The following NCOR1 variants were observed in gnomAD, a reference collection of about 807,000 sequenced individuals.
The protein encoded by NCOR1 is nuclear receptor corepressor 1.
A neutral mutation model predicts 288.1 loss-of-function variants in NCOR1; 63 were observed. That is an observed-to-expected ratio of 0.22 (90% CI 0.18 to 0.27). The LOEUF (loss-of-function observed/expected upper bound fraction) is 0.27. Ranked by LOEUF, NCOR1 falls within the 10% of genes least tolerant of loss-of-function variation. The probability of loss-of-function intolerance (pLI) is 1.00; values close to 1 mark genes in which losing one functional copy is unlikely to be tolerated. For synonymous variants in NCOR1, 1,007 were observed against 1,065.9 expected, an observed-to-expected ratio of 0.94 and a Z score of 1.08; for missense variants, 2,397 against 3,019.2, an observed-to-expected ratio of 0.79 and a Z score of 4.83.
chr17:16,080,185 CCAT>C lies in NCOR1; in HGVS notation c.3401-124_3401-122del, dbSNP rs2063183728. The stretch of plus-strand genomic sequence containing the variant: ...AGAAAAGAAAAAAGCAGCACAAAAC[CCAT>C]CATGTTTGTTTTATTAAAATGTACT... On this transcript the variant is annotated intron_variant, in intron 25 of 45. Coordinates refer to ENST00000268712, the MANE Select transcript of NCOR1 (RefSeq NM_006311.4). 9.4e-6 allele frequency: 8 copies of C among 854,316 alleles called. No homozygotes were observed. The East Asian group carries it at 2.1e-4, about 23-fold the overall frequency. 52.9% of individuals were successfully genotyped at this position (854,316 alleles called of 1,614,324 possible).
At chr17:16,119,545 A>G in intron 16 of NCOR1, 60 bp from the exon 17 acceptor site, 1 of 1,134,676 alleles carries the variant, frequency 8.8e-7, no homozygotes, top group South Asian at 1.4e-5. Flanking sequence ...CTTTATTCAA[A>G]CCAATCATAT....
At chr17:16,064,358 G>C (rs894858882) in intron 34 of NCOR1, among the ~76,000 whole-genome samples, 171 bp from the exon 35 acceptor site, 1 of 152,070 alleles carries the variant, frequency 6.6e-6, no homozygotes, top group Non-Finnish European at 1.5e-5. Flanking sequence ...CCAGCACTTC[G>C]GGAGGCCAAG....
At chr17:16,190,794 T>G (rs1301749339) in intron 2 of NCOR1, among the ~76,000 whole-genome samples, 1 of 152,112 alleles carries the variant, frequency 6.6e-6, no homozygotes, top group Non-Finnish European at 1.5e-5. Context: ...GCTAAAAAAT[T>G]CAAAGAAATG....
At chr17:16,172,678 T>C (rs544977722) in intron 3 of NCOR1, among the ~76,000 whole-genome samples, 1 of 152,296 alleles carries the variant, frequency 6.6e-6, no homozygotes, top group East Asian at 1.9e-4. Flanking sequence ...TAAAACATCA[T>C]CCTGGCCCCA....
chr17:16,045,073 G>A lies in NCOR1; in HGVS notation c.6679+1878C>T, dbSNP rs188535721. 6.1e-5 allele frequency: 21 copies of A among 346,094 alleles called. No homozygotes were observed. In the East Asian group the frequency reaches 1.3e-3, roughly 21 times the overall value. 21.4% of individuals were successfully genotyped at this position (346,094 alleles called of 1,614,324 possible). A position where few individuals can be genotyped will look rare whatever the true frequency, so the allele number is the denominator to read the frequency against. On this transcript the variant is annotated intron_variant, in intron 42 of 45. Coordinates refer to ENST00000268712, the MANE Select transcript of NCOR1 (RefSeq NM_006311.4). Reference sequence around the variant, plus strand: ...TATCAAGGGGACTGAGGAAAAGACTGATAAGACTGGGGGGATAGTTAGTAC... The same window carrying A: ...TATCAAGGGGACTGAGGAAAAGACTAATAAGACTGGGGGGATAGTTAGTAC...
Position 16,140,853 on chromosome 17 carries a change from C to A in NCOR1, c.1174-1667G>T, listed in dbSNP as rs187983164. Among the ~76,000 whole-genome samples the A allele has an allele frequency of 4.2e-4, 64 of 151,796 alleles. No individual in the cohort carries two copies. In the East Asian group the frequency reaches 8.7e-3, roughly 21 times the overall value. On this transcript the variant is annotated intron_variant, in intron 11 of 45. Coordinates refer to ENST00000268712, the MANE Select transcript of NCOR1 (RefSeq NM_006311.4). ...ACAAACAAACAAAAAGTTAGCCGGGCGTAGTGGTGTACCAGTAGTCCCAGC... is the reference window on the plus strand; with the variant it reads ...ACAAACAAACAAAAAGTTAGCCGGGAGTAGTGGTGTACCAGTAGTCCCAGC...
intron 5 of NCOR1, among the ~76,000 whole-genome samples, chr17:16,161,878 ACCAGATATTATGCAATATATTCATTATC>A (rs1358604472): frequency 6.6e-6 from 1 of 152,150 alleles, no homozygotes; most frequent in Non-Finnish European, 1.5e-5. Flanking sequence ...TTTACTATGT[ACCAGATATTATGCAATATATTCATTATC>A]TCAATTCATA....
intron 8 of NCOR1, among the ~76,000 whole-genome samples, chr17:16,150,339 G>C (rs547906975): frequency 6.6e-6 from 1 of 152,180 alleles, no homozygotes; most frequent in African/African-American, 2.4e-5. Context: ...TTATTAAAAT[G>C]TACATTTGCT....
chr17:16,080,084 T>G lies in NCOR1; in HGVS notation c.3401-20A>C. 6.2e-7 allele frequency: 1 copy of G among 1,601,336 alleles called. No homozygotes were observed. The highest frequency in any genetic ancestry group is 2.2e-5 in the East Asian group (1 of 44,782). Reference sequence around the variant, plus strand: ...CGGTACCTGAATACAAACAAAGCTATTAGCAAATTACACCCCCAGCCCCTG... The same window carrying G: ...CGGTACCTGAATACAAACAAAGCTAGTAGCAAATTACACCCCCAGCCCCTG... On this transcript the variant is annotated intron_variant, in intron 25 of 45. Coordinates refer to ENST00000268712, the MANE Select transcript of NCOR1 (RefSeq NM_006311.4).
chr17:16,079,857 T>C (rs1426655967), intron 26 of NCOR1, 107 bp downstream of exon 26: 1 of 865,642 alleles, frequency 1.2e-6, no homozygotes. Context: ...CCCAGTCCCA[T>C]AATGCAGAAA....
chr17:16,133,215 C>T (rs1330686752), intron 14 of NCOR1, among the ~76,000 whole-genome samples: 2 of 152,160 alleles, frequency 1.3e-5, no homozygotes, highest in East Asian at 1.9e-4. Flanking sequence ...GTGATCCACC[C>T]GCCCTGGACT....
intron 20 of NCOR1, among the ~76,000 whole-genome samples, chr17:16,100,267 ATC>A (rs2067372857): frequency 1.3e-5 from 2 of 152,246 alleles, no homozygotes; most frequent in South Asian, 2.1e-4. Context: ...TAAAATATAT[ATC>A]TTTTACTGTA....
Position 16,100,053 on chromosome 17 carries a change from T to C in NCOR1, c.2690+1197A>G, listed in dbSNP as rs369688457. Among the ~76,000 whole-genome samples, 64 of 152,046 alleles carry C rather than the reference T, an allele frequency of 4.2e-4. 1 individual carries two copies. The Middle Eastern group carries it at 0.01, about 24-fold the overall frequency. ...GAAGAGAATTTAGCTATCTGTTGAG[T>C]AGCTTGTCTCTTTATTCTTATTAAA... On this transcript the variant is annotated intron_variant, in intron 20 of 45. Coordinates refer to ENST00000268712, the MANE Select transcript of NCOR1 (RefSeq NM_006311.4).
chr17:16,054,487 G>C (rs1220238063), intron 40 of NCOR1, among the ~76,000 whole-genome samples: 2 of 152,112 alleles, frequency 1.3e-5, no homozygotes, highest in Admixed American at 1.3e-4. Context: ...TGTGAGCCGA[G>C]ACTGCGCCAC....
chr17:16,087,593 G>T (rs1239183711), intron 22 of NCOR1, among the ~76,000 whole-genome samples: 1 of 152,156 alleles, frequency 6.6e-6, no homozygotes, highest in East Asian at 1.9e-4. Flanking sequence ...CTCTTAAGGA[G>T]AATCAAGTGT....
chr17:16,122,325 T>C (rs2073170386), intron 15 of NCOR1, among the ~76,000 whole-genome samples: 1 of 152,210 alleles, frequency 6.6e-6, no homozygotes, highest in South Asian at 2.1e-4. Flanking sequence ...TCAAAAATAA[T>C]TCTCTCCCCT....
chr17:16,122,943 C>A (rs115929645), intron 15 of NCOR1, among the ~76,000 whole-genome samples: 1 of 152,126 alleles, frequency 6.6e-6, no homozygotes, highest in Non-Finnish European at 1.5e-5. Context: ...CCCTTTCATA[C>A]GGGGATTTCC....
At chr17:16,083,766 A>G (rs993498392) in intron 23 of NCOR1, among the ~76,000 whole-genome samples, 1 of 152,174 alleles carries the variant, frequency 6.6e-6, no homozygotes, top group Non-Finnish European at 1.5e-5. Context: ...CCTCTTCCCC[A>G]CAACCTTTGC....
At chr17:16,096,990 G>A (rs1185526241) in intron 21 of NCOR1, among the ~76,000 whole-genome samples, 3 of 152,162 alleles carry the variant, frequency 2.0e-5, no homozygotes, top group African/African-American at 7.2e-5. Flanking sequence ...TATACCTGGA[G>A]GACATTATGC....
Sources: allele counts gnomAD v4.1 joint callset (sites outside exome capture counted in the v4.1 genomes callset), GRCh38; gene constraint gnomAD v4.1.1; transcripts MANE v1.5; gene names NCBI Gene and HGNC (gene_info 2026-07-23, HGNC 2026-07-21).